The following SLC36A1 variants were observed in gnomAD, a reference collection of about 807,000 sequenced individuals.
The protein encoded by SLC36A1 is proton-coupled amino acid transporter 1.
Under a neutral mutation model 47.5 loss-of-function variants are expected in SLC36A1, and 30 were observed. That is an observed-to-expected ratio of 0.63 (90% CI 0.47 to 0.86). The LOEUF (loss-of-function observed/expected upper bound fraction) is 0.86. Ranked by LOEUF, SLC36A1 falls within the 40% of genes least tolerant of loss-of-function variation. The pLI is 0.00. For synonymous variants in SLC36A1, 255 were observed against 249.7 expected (o/e 1.02, Z -0.20); for missense variants, 517 against 606.0 (o/e 0.85, Z 1.54).
chr5:151,508,898 C>G, the SLC36A1 span, among the ~76,000 whole-genome samples: 1 of 152,152 alleles, frequency 6.6e-6, no homozygotes, highest in African/African-American at 2.4e-5. Flanking sequence ...TAGGCCCATT[C>G]TTGGAGATTC....
At chr5:151,393,981 A>T in the SLC36A1 span, among the ~76,000 whole-genome samples, 1 of 152,058 alleles carries the variant, frequency 6.6e-6, no homozygotes, top group South Asian at 2.1e-4. Context: ...TCTCCTGGAT[A>T]ATATCCTACA....
At chr5:151,543,537 G>A in the SLC36A1 span, 1 of 1,614,146 alleles carries the variant, frequency 6.2e-7, no homozygotes, top group Non-Finnish European at 8.5e-7. Flanking sequence ...TGGGGTTTAT[G>A]GAGAACTTCT....
At chr5:151,527,259 T>C in the SLC36A1 span, 1 of 1,611,986 alleles carries the variant, frequency 6.2e-7, no homozygotes, top group South Asian at 1.1e-5. Flanking sequence ...GTAGTTGAGC[T>C]GGAAGAATCT....
intron 1 of SLC36A1, among the ~76,000 whole-genome samples, chr5:151,453,683 A>G (rs1270232568): frequency 4.6e-5 from 7 of 152,148 alleles, no homozygotes; most frequent in African/African-American, 1.7e-4. Flanking sequence ...GATTAGAATG[A>G]CAGCCAGATT....
chr5:151,395,319 C>G, the SLC36A1 span, among the ~76,000 whole-genome samples: 8 of 152,216 alleles, frequency 5.3e-5, no homozygotes, highest in African/African-American at 1.7e-4. Flanking sequence ...CTTCCCTTGG[C>G]TAGGAAAGGG....
chr5:151,480,787 G>A (rs192331778), intron 10 of SLC36A1, among the ~76,000 whole-genome samples: 1 of 152,172 alleles, frequency 6.6e-6, no homozygotes, highest in Non-Finnish European at 1.5e-5. Flanking sequence ...CAGCTTTCAC[G>A]TGTATGGTAT....
At chr5:151,496,409 C>T (rs370764808), downstream of SLC36A1, among the ~76,000 whole-genome samples, 12 of 152,186 alleles carry the variant, frequency 7.9e-5, no homozygotes, top group East Asian at 1.2e-3. Context: ...CAGACTAGTA[C>T]GTATGGTAAG....
At chr5:151,520,345 A>G in the SLC36A1 span, among the ~76,000 whole-genome samples, 1 of 152,240 alleles carries the variant, frequency 6.6e-6, no homozygotes, top group African/African-American at 2.4e-5. Context: ...CAGGCTTTAG[A>G]GTGGGACACA....
chr5:151,348,818 G>A, the SLC36A1 span, among the ~76,000 whole-genome samples: 1,121 of 152,264 alleles, frequency 7.4e-3, 20 homozygotes, highest in African/African-American at 0.025. Flanking sequence ...CGAACTCCCC[G>A]CTAGCCAGGT....
the SLC36A1 span, among the ~76,000 whole-genome samples, chr5:151,372,439 A>C: frequency 6.6e-6 from 1 of 152,050 alleles, no homozygotes; most frequent in East Asian, 1.9e-4. Flanking sequence ...CAAATAATTC[A>C]TTAAAAATTT....
chr5:151,350,436 G>A, the SLC36A1 span, among the ~76,000 whole-genome samples: 1 of 152,236 alleles, frequency 6.6e-6, no homozygotes, highest in South Asian at 2.1e-4. Flanking sequence ...CTGCAGTTGA[G>A]TTATCTCTGT....
upstream of SLC36A1, among the ~76,000 whole-genome samples, chr5:151,433,237 TATATATATATATATATATA>T (rs1759489795): frequency 4.3e-4 from 4 of 9,356 alleles, no homozygotes; most frequent in Non-Finnish European, 7.9e-4. Context: ...TATATATATA[TATATATATATATATATATA>T]TATATATATA....
chr5:151,346,881 G>A, the SLC36A1 span, among the ~76,000 whole-genome samples: 1 of 152,180 alleles, frequency 6.6e-6, no homozygotes, highest in Non-Finnish European at 1.5e-5. Context: ...AATACTTAGT[G>A]GTCAGTGAGG....
chr5:151,534,576 G>A, the SLC36A1 span: 63 of 1,613,998 alleles, frequency 3.9e-5, no homozygotes, highest in Middle Eastern at 1.6e-4. Flanking sequence ...TCCATCCGTC[G>A]CCTTGGCAAC....
the SLC36A1 span, chr5:151,551,698 C>A: frequency 7.2e-7 from 1 of 1,388,852 alleles, no homozygotes; most frequent in Non-Finnish European, 1.0e-6. Flanking sequence ...TCAGAGGACA[C>A]GGTGGTAAAT....
chr5:151,397,796 T>G, the SLC36A1 span, among the ~76,000 whole-genome samples: 58,451 of 141,166 alleles, frequency 0.41, 12,536 homozygotes, highest in African/African-American at 0.53. Flanking sequence ...AAAGTCAAAT[T>G]ATCTGTGGCC....
upstream of SLC36A1, among the ~76,000 whole-genome samples, chr5:151,446,318 G>A (rs1248422462): frequency 6.6e-6 from 1 of 152,166 alleles, no homozygotes; most frequent in Non-Finnish European, 1.5e-5. Flanking sequence ...GATCACCTGA[G>A]GTCAGGAGTT....
At chr5:151,454,943 T>TGGA (rs903649067) in intron 1 of SLC36A1, among the ~76,000 whole-genome samples, 12 of 152,230 alleles carry the variant, frequency 7.9e-5, no homozygotes, top group Admixed American at 6.5e-4. Flanking sequence ...AGTTGCTAGG[T>TGGA]GGAACCTTCT....
chr5:151,508,463 A>T, the SLC36A1 span, among the ~76,000 whole-genome samples: 6 of 152,264 alleles, frequency 3.9e-5, no homozygotes, highest in South Asian at 1.2e-3. Flanking sequence ...TAATCCCAGC[A>T]CTTTGGGCAG....
Sources: gnomAD v4.1 joint callset for allele counts (sites outside exome capture counted in the v4.1 genomes callset) on GRCh38, gnomAD v4.1.1 for gene constraint, MANE v1.5 for transcripts, NCBI Gene and HGNC (gene_info 2026-07-23, HGNC 2026-07-21) for gene names.